MYO3A: variants seen among roughly 807,000 people sequenced by gnomAD.
MYO3A encodes myosin-IIIa.
A neutral mutation model predicts 192.7 loss-of-function variants in MYO3A; 180 were observed. That is an observed-to-expected ratio of 0.93 (90% CI 0.83 to 1.06). The LOEUF is 1.06. Ranked by LOEUF, MYO3A falls within the 50% of genes least tolerant of loss-of-function variation. The probability of loss-of-function intolerance (pLI) is 0.00; values close to 1 mark genes in which losing one functional copy is unlikely to be tolerated. For missense variants in MYO3A, 1,896 were observed against 1,905.0 expected, an observed-to-expected ratio of 1.00 and a Z score of 0.09; for synonymous variants, 628 against 645.3, an observed-to-expected ratio of 0.97 and a Z score of 0.41.
At chr10:26,179,551 A>G (rs1842511717) in intron 31 of MYO3A, among the ~76,000 whole-genome samples, 1 of 152,232 alleles carries the variant, frequency 6.6e-6, no homozygotes, top group South Asian at 2.1e-4. Context: ...CATTTCGCTT[A>G]AAGTTGCAGT....
At chr10:26,135,240 A>C (rs1177593612) in intron 20 of MYO3A, among the ~76,000 whole-genome samples, 1 of 152,188 alleles carries the variant, frequency 6.6e-6, no homozygotes, top group Non-Finnish European at 1.5e-5. Flanking sequence ...TCTCCTGTGC[A>C]GAAGAAAAAG....
chr10:26,052,836 T>C (rs915787083), intron 10 of MYO3A, among the ~76,000 whole-genome samples: 20 of 152,314 alleles, frequency 1.3e-4, no homozygotes, highest in Non-Finnish European at 2.5e-4. Flanking sequence ...AGTTGTTTTT[T>C]TTTCAATTTT....
intron 6 of MYO3A, among the ~76,000 whole-genome samples, chr10:26,009,729 A>G (rs1169802913): frequency 6.6e-6 from 1 of 152,238 alleles, no homozygotes; most frequent in Non-Finnish European, 1.5e-5. Flanking sequence ...AGAGGACTTT[A>G]CTTATATTTT....
chr10:26,173,034 T>A (rs974414017), intron 29 of MYO3A, among the ~76,000 whole-genome samples: 1 of 149,192 alleles, frequency 6.7e-6, no homozygotes, highest in Non-Finnish European at 1.5e-5. Flanking sequence ...ATTGCTCTTG[T>A]AAGGGTTTTG....
intron 10 of MYO3A, among the ~76,000 whole-genome samples, chr10:26,029,508 C>G (rs1842712213): frequency 6.6e-6 from 1 of 152,298 alleles, no homozygotes; most frequent in African/African-American, 2.4e-5. Flanking sequence ...CACTAATTTT[C>G]TCATAGAACT....
In MYO3A at chr10:26,147,443, C is replaced by A; in HGVS notation, c.2519C>A (p.Ala840Glu). ...CTGTATCAACAGGTCCTCTATAATG[C>A]AAGTGGATTCTTAGCCAAAAACAGA... The part of the protein sequence containing the change: ...HHYAGKVLYN[A>E]SGFLAKNRDT... The change falls in exon 23 of 35, where the codon GCA (alanine) becomes GAA (glutamate). Residue 840 changes from alanine (A) to glutamate (E), a missense_variant. Transcript: ENST00000642920. The A allele has an allele frequency of 6.2e-7, 1 of 1,613,418 alleles. No homozygotes were observed. Among genetic ancestry groups the A allele is most frequent in the Non-Finnish European group, 8.5e-7 (1 of 1,179,454 alleles).
chr10:26,104,396 T>C (rs2131604973), intron 17 of MYO3A, among the ~76,000 whole-genome samples: 1 of 152,306 alleles, frequency 6.6e-6, no homozygotes, highest in South Asian at 2.1e-4. Flanking sequence ...TCCAGCTTCA[T>C]TCCTTTGCTT....
In MYO3A at chr10:26,197,997, C is replaced by T. The variant is rs1057498324; in HGVS notation, c.4546-3268C>T. ...CCATACTCCTCAGAACACTGTGCTG[C>T]TTACATCGTAACTAGAAGACTGTTA... On this transcript the variant is annotated intron_variant, in intron 32 of 34. Transcript: ENST00000642920. 5.3e-5 allele frequency among the ~76,000 whole-genome samples: 8 copies of T among 152,350 alleles called. No homozygotes were observed. The East Asian group carries it at 1.5e-3, about 29-fold the overall frequency.
At chr10:26,021,813 C>T in intron 8 of MYO3A, 165 bp downstream of exon 8, 2 of 899,798 alleles carry the variant, frequency 2.2e-6, no homozygotes, top group South Asian at 3.0e-5. Context: ...TGTATTTGTT[C>T]AGTAGTTGCA....
At chr10:26,013,537 G>A (rs994681042) in intron 6 of MYO3A, among the ~76,000 whole-genome samples, 1 of 151,912 alleles carries the variant, frequency 6.6e-6, no homozygotes, top group Non-Finnish European at 1.5e-5. Context: ...TAATCATCAG[G>A]GAAATGCAAA....
intron 10 of MYO3A, among the ~76,000 whole-genome samples, chr10:26,031,160 C>A (rs574536331): frequency 1.3e-5 from 2 of 152,250 alleles, no homozygotes; most frequent in African/African-American, 4.8e-5. Context: ...ATTCAGAATT[C>A]TTGAGTAAAA....
chr10:25,945,823 C>G (rs772989555), intron 2 of MYO3A, among the ~76,000 whole-genome samples: 10 of 151,980 alleles, frequency 6.6e-5, no homozygotes, highest in Non-Finnish European at 1.3e-4. Flanking sequence ...TACTCATTTC[C>G]TCTAATACTA....
intron 26 of MYO3A, among the ~76,000 whole-genome samples, chr10:26,160,174 TA>T (rs1302238668): frequency 3.3e-5 from 5 of 152,294 alleles, no homozygotes; most frequent in African/African-American, 1.2e-4. Context: ...TTTTAATGTA[TA>T]AGGCACCATG....
At chr10:25,985,450 G>A (rs1181701072) in intron 4 of MYO3A, among the ~76,000 whole-genome samples, 1 of 151,852 alleles carries the variant, frequency 6.6e-6, no homozygotes, top group Non-Finnish European at 1.5e-5. Context: ...GTTAGACAAA[G>A]ATTAACCAAG....
chr10:26,070,057 A>G, intron 12 of MYO3A, 54 bp from the exon 13 acceptor site: 1 of 1,282,362 alleles, frequency 7.8e-7, no homozygotes, highest in Non-Finnish European at 1.1e-6. Context: ...TAAATAATTC[A>G]GGACTTAAAT....
intron 17 of MYO3A, among the ~76,000 whole-genome samples, chr10:26,112,943 C>T (rs74129105): frequency 0.012 from 1,749 of 152,072 alleles, 32 homozygotes; most frequent in African/African-American, 0.039. Flanking sequence ...TGGGAATTTT[C>T]GGGGGGTTTT....
chr10:25,969,587 A>G (rs1364906201), intron 4 of MYO3A, among the ~76,000 whole-genome samples: 1 of 152,258 alleles, frequency 6.6e-6, no homozygotes, highest in Non-Finnish European at 1.5e-5. Context: ...AGTATAGCTA[A>G]TAAGCTAGTG....
chr10:26,073,563 A>G (rs1421309998), intron 14 of MYO3A, among the ~76,000 whole-genome samples: 1 of 43,640 alleles, frequency 2.3e-5, no homozygotes, highest in Admixed American at 1.8e-4. Flanking sequence ...ACTGCACTCC[A>G]GCCTGGGCAA....
intron 18 of MYO3A, among the ~76,000 whole-genome samples, chr10:26,124,031 T>C (rs1839041754): frequency 6.6e-6 from 1 of 151,738 alleles, no homozygotes; most frequent in Non-Finnish European, 1.5e-5. Flanking sequence ...CAAATAATAA[T>C]AATAATAATT....
Sources: gnomAD v4.1 joint callset for allele counts (sites outside exome capture counted in the v4.1 genomes callset) on GRCh38, gnomAD v4.1.1 for gene constraint, MANE v1.5 for transcripts, NCBI Gene and HGNC (gene_info 2026-07-23, HGNC 2026-07-21) for gene names.